LHFPL3: variants seen among roughly 807,000 people sequenced by gnomAD.
The protein encoded by LHFPL3 is LHFPL tetraspan subfamily member 3 protein.
Under a neutral mutation model 19.3 loss-of-function variants are expected in LHFPL3, and 5 were observed. That is an observed-to-expected ratio of 0.26 (90% CI 0.14 to 0.54). The LOEUF is 0.54. Among genes scored for constraint, LHFPL3 ranks in the 20% least tolerant of loss-of-function variants. The probability of loss-of-function intolerance (pLI) is 0.94; values close to 1 mark genes in which losing one functional copy is unlikely to be tolerated. For missense variants in LHFPL3, 249 were observed against 307.4 expected (o/e 0.81, Z 1.42); for synonymous variants, 133 against 126.2 (o/e 1.05, Z -0.36).
chr7:104,626,803 A>C, intron 1 of LHFPL3, among the ~76,000 whole-genome samples: 1 of 152,170 alleles, frequency 6.6e-6, no homozygotes, highest in South Asian at 2.1e-4. Context: ...ACAAGGGTCT[A>C]CTATATTTCC....
At chr7:104,646,323 C>T (rs1192539507) in intron 1 of LHFPL3, among the ~76,000 whole-genome samples, 1 of 152,198 alleles carries the variant, frequency 6.6e-6, no homozygotes, top group Non-Finnish European at 1.5e-5. Context: ...TCACCAAGGA[C>T]TCCAAGTTTT....
At chr7:104,510,747 A>G (rs1284371547) in intron 1 of LHFPL3, among the ~76,000 whole-genome samples, 1 of 152,216 alleles carries the variant, frequency 6.6e-6, no homozygotes, top group Non-Finnish European at 1.5e-5. Context: ...GAATTAAAGT[A>G]TAAGCTACCA....
chr7:104,669,451 A>G (rs904196585), intron 1 of LHFPL3: 5 of 1,612,960 alleles, frequency 3.1e-6, no homozygotes, highest in Non-Finnish European at 4.2e-6. Flanking sequence ...TCAAGACTCC[A>G]GATCTGCACC....
chr7:104,576,636 GT>G (rs1349291781), intron 1 of LHFPL3, among the ~76,000 whole-genome samples: 2 of 151,786 alleles, frequency 1.3e-5, no homozygotes, highest in African/African-American at 2.4e-5. Context: ...AGAGAGTTGG[GT>G]TTTTTTGTTT....
intron 1 of LHFPL3, among the ~76,000 whole-genome samples, chr7:104,404,716 T>A (rs1344211389): frequency 6.6e-6 from 1 of 152,208 alleles, no homozygotes; most frequent in Non-Finnish European, 1.5e-5. Flanking sequence ...GAGTTCCATG[T>A]TTCTGACCTG....
chr7:104,550,920 A>T (rs1337002060), intron 1 of LHFPL3, among the ~76,000 whole-genome samples: 3 of 152,180 alleles, frequency 2.0e-5, no homozygotes, highest in Non-Finnish European at 4.4e-5. Context: ...AATCCCTTCA[A>T]ACAATCTTCT....
chr7:104,524,898 T>C (rs1199302094), intron 1 of LHFPL3, among the ~76,000 whole-genome samples: 1 of 152,230 alleles, frequency 6.6e-6, no homozygotes, highest in Non-Finnish European at 1.5e-5. Context: ...TTCATTTTTT[T>C]CTGGTTTGGC....
At chr7:104,474,687 C>CAAAAAAAAAAAA (rs928431129) in intron 1 of LHFPL3, among the ~76,000 whole-genome samples, 17 of 40,974 alleles carry the variant, frequency 4.1e-4, no homozygotes, top group South Asian at 8.1e-4. Flanking sequence ...ACAACAACAA[C>CAAAAAAAAAAAA]AAAAAAAAAA....
intron 1 of LHFPL3, among the ~76,000 whole-genome samples, chr7:104,472,159 AGAGT>A (rs1484384820): frequency 6.7e-6 from 1 of 148,252 alleles, no homozygotes; most frequent in African/African-American, 2.5e-5. Context: ...CCTGGATGAC[AGAGT>A]GAGACCCTAT....
chr7:104,716,225 T>G (rs1163596905), intron 1 of LHFPL3, among the ~76,000 whole-genome samples: 2 of 152,018 alleles, frequency 1.3e-5, no homozygotes, highest in Non-Finnish European at 2.9e-5. Context: ...CTTGTGCCTG[T>G]AGTCCCAGCT....
chr7:104,660,003 C>CTTT (rs1267267921), intron 1 of LHFPL3, among the ~76,000 whole-genome samples: 12 of 81,680 alleles, frequency 1.5e-4, no homozygotes, highest in Non-Finnish European at 2.8e-4. Flanking sequence ...CACAGCAACT[C>CTTT]GTTTTTTTTT....
chr7:104,394,969 G>C (rs1017465815), intron 1 of LHFPL3, among the ~76,000 whole-genome samples: 1 of 151,934 alleles, frequency 6.6e-6, no homozygotes, highest in Admixed American at 6.6e-5. Context: ...AAACTGCTGG[G>C]ATTAAAGGCA....
chr7:104,761,906 A>G (rs1794377274), intron 2 of LHFPL3, among the ~76,000 whole-genome samples: 1 of 152,226 alleles, frequency 6.6e-6, no homozygotes, highest in African/African-American at 2.4e-5. Context: ...CATCACCAGG[A>G]GGAAGGTGAA....
chr7:104,660,333 T>C (rs1403517379), intron 1 of LHFPL3, among the ~76,000 whole-genome samples: 1 of 152,220 alleles, frequency 6.6e-6, no homozygotes, highest in African/African-American at 2.4e-5. Flanking sequence ...CTGTGATCAG[T>C]TCACCATCTG....
intron 1 of LHFPL3, among the ~76,000 whole-genome samples, chr7:104,590,808 G>T (rs897662857): frequency 6.6e-6 from 1 of 152,196 alleles, no homozygotes; most frequent in Non-Finnish European, 1.5e-5. Flanking sequence ...TGTATTGGGT[G>T]CCTATATATT....
intron 1 of LHFPL3, among the ~76,000 whole-genome samples, chr7:104,435,620 G>A (rs762783427): frequency 6.8e-6 from 1 of 147,974 alleles, no homozygotes; most frequent in Non-Finnish European, 1.5e-5. Flanking sequence ...GTTACACTTT[G>A]AAGCAAGATA....
intron 2 of LHFPL3, among the ~76,000 whole-genome samples, chr7:104,851,774 AAAGT>A (rs1791418911): frequency 1.3e-5 from 2 of 152,116 alleles, no homozygotes; most frequent in East Asian, 3.9e-4. Context: ...TGACAAGAGC[AAAGT>A]AAGAGACTTG....
chr7:104,670,990 G>A (rs34781171), intron 1 of LHFPL3, among the ~76,000 whole-genome samples: 21,345 of 152,038 alleles, frequency 0.14, 1,603 homozygotes, highest in Non-Finnish European at 0.17. Context: ...ATTTTTGTAG[G>A]GATCAGCTTG....
chr7:104,406,604 A>G (rs1791417274), intron 1 of LHFPL3, among the ~76,000 whole-genome samples: 1 of 152,214 alleles, frequency 6.6e-6, no homozygotes, highest in South Asian at 2.1e-4. Context: ...AGAGCCCATG[A>G]TCTTTCCACT....
Sources: allele counts gnomAD v4.1 joint callset (sites outside exome capture counted in the v4.1 genomes callset), GRCh38; gene constraint gnomAD v4.1.1; transcripts MANE v1.5; gene names NCBI Gene and HGNC (gene_info 2026-07-23, HGNC 2026-07-21).